Variants in DLG1 observed in about 807,000 individuals in gnomAD.
DLG1 encodes discs large MAGUK scaffold protein 1.
A neutral mutation model predicts 123.4 loss-of-function variants in DLG1; 42 were observed. That is an observed-to-expected ratio of 0.34 (90% CI 0.27 to 0.44). DLG1 has a LOEUF of 0.44. Ranked by LOEUF, DLG1 falls within the 20% of genes least tolerant of loss-of-function variation. The probability of loss-of-function intolerance (pLI) is 1.00; values close to 1 mark genes in which losing one functional copy is unlikely to be tolerated. For synonymous variants in DLG1, 317 were observed against 356.2 expected (o/e 0.89, Z 1.24); for missense variants, 942 against 1,082.6 (o/e 0.87, Z 1.82).
intron 24 of DLG1, among the ~76,000 whole-genome samples, chr3:197,046,688 G>A (rs1269980047): frequency 6.6e-6 from 1 of 152,086 alleles, no homozygotes; most frequent in East Asian, 1.9e-4. Flanking sequence ...TGGGCAACAT[G>A]GCGAAATCCT....
At chr3:197,272,142 T>C (rs949701992) in intron 4 of DLG1, among the ~76,000 whole-genome samples, 9 of 152,212 alleles carry the variant, frequency 5.9e-5, no homozygotes, top group Non-Finnish European at 1.3e-4. Flanking sequence ...TGAGTTTTTT[T>C]CCAAGGTAAG....
At chr3:197,204,421 T>C (rs2150352132) in intron 4 of DLG1, among the ~76,000 whole-genome samples, 1 of 152,314 alleles carries the variant, frequency 6.6e-6, no homozygotes, top group South Asian at 2.1e-4. Flanking sequence ...ACTATGCTCT[T>C]TGTAAAACAC....
intron 1 of DLG1, 137 bp from the exon 2 acceptor site, chr3:197,297,372 C>T: frequency 6.9e-7 from 1 of 1,457,262 alleles, no homozygotes; most frequent in South Asian, 1.4e-5. Flanking sequence ...GAAAGAGTCT[C>T]AAAACGCAGC....
At chr3:197,160,327 T>C (rs146911593) in intron 5 of DLG1, among the ~76,000 whole-genome samples, 2,736 of 150,744 alleles carry the variant, frequency 0.018, 35 homozygotes, top group Middle Eastern at 0.031. Flanking sequence ...CACCAAAAAA[T>C]TGACTGAAGT....
Position 197,297,193 on chromosome 3 carries a change from C to T in DLG1, c.12G>A (p.Arg4=), listed in dbSNP as rs764525682. 1 of 1,614,110 alleles carries T rather than the reference C, an allele frequency of 6.2e-7. No individual in the cohort carries two copies. The highest frequency in any genetic ancestry group is 1.7e-5 in the Admixed American group (1 of 60,024). The change falls in exon 2 of 25, where the codon CGG becomes CGA. Residue 4 remains arginine (R), a synonymous_variant. Transcript: ENST00000667157. MPV[R]KQDTQRALHL... ...TACGGAATAAACTCTCACCTTGCTT[C>T]CGGACCGGCATTTTTCTCCAGAATC...
chr3:197,085,323 T>A (rs1560553940), intron 16 of DLG1: 11 of 435,272 alleles, frequency 2.5e-5, no homozygotes, highest in Non-Finnish European at 3.4e-5. Flanking sequence ...CTCACTCATC[T>A]TGTGTCACGG....
intron 18 of DLG1, among the ~76,000 whole-genome samples, chr3:197,075,382 T>TAC (rs72379942): frequency 1.9e-5 from 1 of 53,550 alleles, no homozygotes; most frequent in Non-Finnish European, 4.7e-5. Flanking sequence ...GCTACTTGCG[T>TAC]AGTATTCTAT....
chr3:197,044,838 A>AGGAAGAATCACCATTTACACACT (rs1721792932), intron 24 of DLG1, 109 bp from the exon 25 acceptor site: 1 of 572,300 alleles, frequency 1.7e-6, no homozygotes, highest in Non-Finnish European at 2.9e-6. Flanking sequence ...TTACTCATCC[A>AGGAAGAATCACCATTTACACACT]GGAAGAATCA....
At chr3:197,058,222 C>T (rs1323801495) in intron 23 of DLG1, among the ~76,000 whole-genome samples, 3 of 152,256 alleles carry the variant, frequency 2.0e-5, no homozygotes, top group East Asian at 3.9e-4. Context: ...TCAAACAATC[C>T]GCCCACCTAG....
intron 5 of DLG1, among the ~76,000 whole-genome samples, chr3:197,174,193 A>G (rs1258762014): frequency 6.6e-6 from 1 of 152,172 alleles, no homozygotes; most frequent in Non-Finnish European, 1.5e-5. Context: ...GGAGAAAGAA[A>G]AGGCTAAATA....
intron 3 of DLG1, among the ~76,000 whole-genome samples, chr3:197,285,574 G>C (rs1771459487): frequency 6.6e-6 from 1 of 151,906 alleles, no homozygotes. Context: ...ACAATAAGAA[G>C]ACAATCCAAT....
intron 19 of DLG1, 94 bp downstream of exon 19, chr3:197,069,125 C>G: frequency 2.7e-6 from 2 of 740,936 alleles, no homozygotes; most frequent in Non-Finnish European, 4.1e-6. Flanking sequence ...CATATAACTT[C>G]AGGTTTTTAT....
chr3:197,149,819 T>A, intron 5 of DLG1, 23 bp from the exon 6 acceptor site: 4 of 1,433,802 alleles, frequency 2.8e-6, no homozygotes, highest in Non-Finnish European at 3.9e-6. Context: ...ATTGTAAATG[T>A]GTTAACAAGA....
chr3:197,261,809 G>A (rs185796040), intron 4 of DLG1, among the ~76,000 whole-genome samples: 2 of 140,106 alleles, frequency 1.4e-5, no homozygotes, highest in South Asian at 2.3e-4. Context: ...AAGCCTAACA[G>A]GGTATACTTG....
At chr3:197,054,366 T>C (rs1263242513) in intron 23 of DLG1, among the ~76,000 whole-genome samples, 1 of 152,152 alleles carries the variant, frequency 6.6e-6, no homozygotes, top group Non-Finnish European at 1.5e-5. Context: ...CTCCACAATG[T>C]GTACGTTGAC....
intron 5 of DLG1, chr3:197,183,613 A>T (rs1713911886): frequency 1.9e-6 from 3 of 1,550,468 alleles, no homozygotes; most frequent in Non-Finnish European, 2.6e-6. Context: ...CAGTCAATAA[A>T]GCTGTGTCTT....
chr3:197,186,074 T>C (rs1445727107), intron 5 of DLG1, among the ~76,000 whole-genome samples: 1 of 152,174 alleles, frequency 6.6e-6, no homozygotes, highest in Non-Finnish European at 1.5e-5. Context: ...AGAAAACAAC[T>C]TCAAGTTTTG....
At chr3:197,051,363 C>T (rs1255684613) in intron 24 of DLG1, among the ~76,000 whole-genome samples, 1 of 152,050 alleles carries the variant, frequency 6.6e-6, no homozygotes, top group African/African-American at 2.4e-5. Context: ...GCGGAGGTTG[C>T]GGTGAGCCGA....
intron 4 of DLG1, among the ~76,000 whole-genome samples, chr3:197,217,356 CAATG>C (rs1734628414): frequency 6.6e-6 from 1 of 152,132 alleles, no homozygotes; most frequent in East Asian, 1.9e-4. Context: ...GGATCAAGAA[CAATG>C]AATGTCCTCC....
Sources: allele counts gnomAD v4.1 joint callset (sites outside exome capture counted in the v4.1 genomes callset), GRCh38; gene constraint gnomAD v4.1.1; transcripts MANE v1.5; gene names NCBI Gene and HGNC (gene_info 2026-07-23, HGNC 2026-07-21).